STAU2: variants seen among roughly 807,000 people sequenced by gnomAD.
The protein encoded by STAU2 is staufen double-stranded RNA binding protein 2.
In STAU2, 20 loss-of-function variants were observed where a neutral mutation model predicts 65.9. That is an observed-to-expected ratio of 0.30 (90% confidence interval 0.21 to 0.44). The LOEUF (loss-of-function observed/expected upper bound fraction) is 0.44. STAU2 is among the 20% of genes least tolerant of loss of function. The pLI is 1.00. For missense variants in STAU2, 558 were observed against 683.9 expected, an observed-to-expected ratio of 0.82 and a Z score of 2.05; for synonymous variants, 232 against 233.9, an observed-to-expected ratio of 0.99 and a Z score of 0.07.
chr8:73,537,642 C>T (rs1219423815), intron 13 of STAU2, among the ~76,000 whole-genome samples: 1 of 152,084 alleles, frequency 6.6e-6, no homozygotes, highest in African/African-American at 2.4e-5. Context: ...AAGGAAAACC[C>T]AAAACATTCT....
At chr8:73,715,742 T>C (rs1821206826) in intron 3 of STAU2, among the ~76,000 whole-genome samples, 1 of 152,080 alleles carries the variant, frequency 6.6e-6, no homozygotes, top group South Asian at 2.1e-4. Context: ...AAGACTATAA[T>C]AGCAAAAACT....
chr8:73,690,220 T>G (rs1222101797), intron 4 of STAU2, among the ~76,000 whole-genome samples: 1 of 150,588 alleles, frequency 6.6e-6, no homozygotes, highest in Non-Finnish European at 1.5e-5. Context: ...TCCCAGCTAC[T>G]CGGGAGGCTG....
chr8:73,628,335 G>C (rs527499333), intron 6 of STAU2, among the ~76,000 whole-genome samples: 2 of 152,026 alleles, frequency 1.3e-5, no homozygotes, highest in Non-Finnish European at 2.9e-5. Flanking sequence ...GGCGCCCAAA[G>C]TGCTGAGATT....
chr8:73,657,236 T>C (rs967872534), intron 6 of STAU2, among the ~76,000 whole-genome samples: 1 of 152,220 alleles, frequency 6.6e-6, no homozygotes, highest in African/African-American at 2.4e-5. Context: ...TATATGTGTG[T>C]ACATATGATC....
At chr8:73,718,559 A>C (rs1258977904) in intron 3 of STAU2, among the ~76,000 whole-genome samples, 1 of 152,224 alleles carries the variant, frequency 6.6e-6, no homozygotes, top group Non-Finnish European at 1.5e-5. Flanking sequence ...GTGATTCAAA[A>C]TGTTTTGCCC....
chr8:73,523,609 C>A (rs530834977), intron 13 of STAU2, among the ~76,000 whole-genome samples: 48 of 152,274 alleles, frequency 3.2e-4, no homozygotes, highest in African/African-American at 1.1e-3. Context: ...CCAGCCCCTG[C>A]AACCACTCAT....
intron 13 of STAU2, among the ~76,000 whole-genome samples, chr8:73,442,765 C>T (rs1204448031): frequency 6.6e-6 from 1 of 152,150 alleles, no homozygotes; most frequent in Non-Finnish European, 1.5e-5. Flanking sequence ...TGATGGAATC[C>T]TAATCCATCT....
At chr8:73,713,325 AAC>A (rs758818990) in intron 3 of STAU2, among the ~76,000 whole-genome samples, 62 of 152,330 alleles carry the variant, frequency 4.1e-4, no homozygotes, top group Middle Eastern at 3.4e-3. Context: ...CCAGTGAAGA[AAC>A]ACAGCAACTG....
chr8:73,596,685 C>CA (rs112019736), intron 10 of STAU2, among the ~76,000 whole-genome samples: 4,298 of 151,622 alleles, frequency 0.028, 172 homozygotes, highest in African/African-American at 0.095. Flanking sequence ...CCCATTTTTA[C>CA]AAAAAAAATT....
At chr8:73,590,200 AAAAT>A (rs563415088) in intron 11 of STAU2, among the ~76,000 whole-genome samples, 2 of 151,986 alleles carry the variant, frequency 1.3e-5, no homozygotes, top group South Asian at 4.2e-4. Flanking sequence ...AGAAGGAAGA[AAAAT>A]AGAAAGAAGG....
chr8:73,617,829 A>G (rs1246537910), intron 6 of STAU2, among the ~76,000 whole-genome samples: 2 of 152,234 alleles, frequency 1.3e-5, no homozygotes, highest in Non-Finnish European at 2.9e-5. Flanking sequence ...CATGTAGATT[A>G]CCGTGCTTTT....
chr8:73,488,661 T>C (rs550614396), intron 13 of STAU2, among the ~76,000 whole-genome samples: 4 of 146,556 alleles, frequency 2.7e-5, no homozygotes, highest in Non-Finnish European at 4.5e-5. Context: ...CAATATTTCA[T>C]CCCTCAACAG....
chr8:73,490,035 T>C (rs1056156788), intron 13 of STAU2, among the ~76,000 whole-genome samples: 6 of 152,068 alleles, frequency 3.9e-5, no homozygotes, highest in African/African-American at 1.4e-4. Context: ...CTACAACCTT[T>C]GTTAATTTGC....
chr8:73,715,708 A>AT (rs1441532347), intron 3 of STAU2, among the ~76,000 whole-genome samples: 1 of 152,192 alleles, frequency 6.6e-6, no homozygotes. Context: ...ACAGGAAGAC[A>AT]TTTGCAATGA....
chr8:73,738,136 C>A (rs2130777343), intron 3 of STAU2, 148 bp downstream of exon 3: 1 of 710,616 alleles, frequency 1.4e-6, no homozygotes, highest in African/African-American at 1.8e-5. Context: ...CCCTACACAG[C>A]CTCCAATGAT....
At chr8:73,611,214 C>T (rs548801440) in intron 9 of STAU2, among the ~76,000 whole-genome samples, 1 of 152,098 alleles carries the variant, frequency 6.6e-6, no homozygotes, top group Non-Finnish European at 1.5e-5. Context: ...AAGGTATGAA[C>T]ATACTTAAAA....
At chr8:73,520,894 G>C (rs545980682) in intron 13 of STAU2, among the ~76,000 whole-genome samples, 1 of 152,106 alleles carries the variant, frequency 6.6e-6, no homozygotes, top group African/African-American at 2.4e-5. Context: ...AATGAGGTTC[G>C]TTATTATTTA....
chr8:73,726,260 TG>T (rs1217849291), intron 3 of STAU2, among the ~76,000 whole-genome samples: 107 of 152,258 alleles, frequency 7.0e-4, no homozygotes, highest in Non-Finnish European at 1.5e-5. Context: ...AATGATACAA[TG>T]GACTTTGGGG....
rs200155672 is a variant in STAU2 at position 73,671,393 on chromosome 8, C to CA, written c.410+1713dup. ...AGACTTCATCTAAAAAACAAACAAA[C>CA]AAACAAAAAAAAACAAAAAAAACAC... is the stretch of plus-strand genomic sequence containing the variant. On this transcript the variant is annotated intron_variant, in intron 6 of 14. Coordinates refer to ENST00000524300, the MANE Select transcript of STAU2 (RefSeq NM_001164380.2). Among the ~76,000 whole-genome samples, 870 of 124,152 alleles carry CA rather than the reference C, an allele frequency of 7.0e-3. 8 individuals carry two copies. Among genetic ancestry groups the CA allele is most frequent in the African/African-American group, 0.023 (751 of 32,844 alleles). 81.4% of individuals were successfully genotyped at this position (124,152 alleles called of 152,430 possible).
Sources: gnomAD v4.1 joint callset for allele counts (sites outside exome capture counted in the v4.1 genomes callset) on GRCh38, gnomAD v4.1.1 for gene constraint, MANE v1.5 for transcripts, NCBI Gene and HGNC (gene_info 2026-07-23, HGNC 2026-07-21) for gene names.